CAPN15: variants seen among roughly 807,000 people sequenced by gnomAD.
The protein encoded by CAPN15 is calpain 15.
CAPN15 carries 53 observed loss-of-function variants against 97.9 expected under a neutral mutation model. That is an observed-to-expected ratio of 0.54 (90% CI 0.43 to 0.68). CAPN15 has a LOEUF of 0.68. Ranked by LOEUF, CAPN15 falls within the 30% of genes least tolerant of loss-of-function variation. The pLI is 0.00. For synonymous variants in CAPN15, 922 were observed against 722.5 expected (o/e 1.28, Z -4.43); for missense variants, 1,592 against 1,589.8 (o/e 1.00, Z -0.02).
At position 547,996 on chromosome 16, in the gene CAPN15, C is replaced by T. The variant is rs748818840; in HGVS notation, c.1158C>T (p.Ala386=). 2.7e-5 allele frequency: 43 copies of T among 1,580,384 alleles called. No homozygotes were observed. The highest frequency in any genetic ancestry group is 1.7e-4 in the Middle Eastern group (1 of 6,046). The stretch of plus-strand genomic sequence containing the variant: ...CCACCCACTGCCCCGACTGTGGGGC[C>T]GACAAGCCCAGCCCCTGCGGCAGAA... ...EPPTHCPDCG[A]DKPSPCGRSC... is the part of the protein sequence containing the mutation. The change falls in exon 4 of 14, where the codon GCC becomes GCT. Residue 386 remains alanine, a synonymous_variant. Coordinates refer to ENST00000219611, the MANE Select transcript of CAPN15 (RefSeq NM_005632.3).
chr16:536,149 G>A lies in CAPN15; in HGVS notation c.-23+7G>A, dbSNP rs2033703174. 10 of 926,616 alleles carry A rather than the reference G, an allele frequency of 1.1e-5. No homozygotes were observed. Among genetic ancestry groups the A allele is most frequent in the Non-Finnish European group, 1.2e-5 (9 of 776,388 alleles). 57.4% of individuals were successfully genotyped at this position (926,616 alleles called of 1,614,324 possible). A position where few individuals can be genotyped will look rare whatever the true frequency, so the allele number is the denominator to read the frequency against. ...CCGGACCTGGGAGTGGCAGGTGAGCGTTCCTCCCAAGAGCCTCTGGCTGGC... is the reference window on the plus strand; with the variant it reads ...CCGGACCTGGGAGTGGCAGGTGAGCATTCCTCCCAAGAGCCTCTGGCTGGC... On this transcript the variant is annotated splice_region_variant and intron_variant, in intron 3 of 13. Coordinates refer to ENST00000219611, the MANE Select transcript of CAPN15 (RefSeq NM_005632.3).
chr16:542,864 G>A (rs563758182), intron 3 of CAPN15, among the ~76,000 whole-genome samples: 36 of 152,274 alleles, frequency 2.4e-4, no homozygotes, highest in Admixed American at 2.1e-3. Flanking sequence ...GACCAGCCTG[G>A]CCAACATGGT....
intron 3 of CAPN15, among the ~76,000 whole-genome samples, chr16:544,660 C>T (rs1198490241): frequency 1.3e-5 from 2 of 151,734 alleles, no homozygotes; most frequent in East Asian, 3.9e-4. Context: ...TTCCATCCAG[C>T]TTGGCCTCTG....
At chr16:528,215 G>C (rs576027323) in intron 1 of CAPN15, among the ~76,000 whole-genome samples, 186 bp downstream of exon 1, 1 of 151,942 alleles carries the variant, frequency 6.6e-6, no homozygotes, top group South Asian at 2.1e-4. Flanking sequence ...CCCGCCGCCC[G>C]CTGGCGCCTC....
intron 3 of CAPN15, among the ~76,000 whole-genome samples, chr16:545,466 C>T (rs917022669): frequency 2.0e-5 from 3 of 152,210 alleles, no homozygotes; most frequent in Non-Finnish European, 4.4e-5. Context: ...GGCCTGCCTT[C>T]GCCCTCCTCA....
chr16:536,426 A>AT (rs34372742), intron 3 of CAPN15, among the ~76,000 whole-genome samples: 82 of 145,116 alleles, frequency 5.7e-4, no homozygotes, highest in Middle Eastern at 3.6e-3. Flanking sequence ...CTGGGAGCCT[A>AT]TTTTTTTTTT....
chr16:548,129 C>G lies in CAPN15; in HGVS notation c.1291C>G (p.His431Asp), dbSNP rs1478814839. Reference protein sequence around the residue: ...CTLLNALRAKHCAACHTPQLL... With the variant: ...CTLLNALRAKDCAACHTPQLL... The stretch of plus-strand genomic sequence containing the variant: ...CCTGCTCAACGCACTGCGGGCCAAG[C>G]ACTGCGCCGCCTGCCACACGCCTCA... The change falls in exon 4 of 14, where the codon CAC (histidine) becomes GAC (aspartate). Residue 431 changes from histidine to aspartate, a missense_variant. Transcript: ENST00000219611. The G allele has an allele frequency of 6.5e-7, 1 of 1,530,936 alleles. No individual in the cohort carries two copies. Among genetic ancestry groups the G allele is most frequent in the South Asian group, 1.2e-5 (1 of 80,574 alleles). 94.8% of individuals were successfully genotyped at this position (1,530,936 alleles called of 1,614,324 possible).
At chr16:534,467 C>T (rs929474288) in intron 2 of CAPN15, among the ~76,000 whole-genome samples, 1 of 152,164 alleles carries the variant, frequency 6.6e-6, no homozygotes, top group Non-Finnish European at 1.5e-5. Context: ...CCACGTCCTC[C>T]CCCAGGGCGG....
chr16:552,005 T>A lies in CAPN15; in HGVS notation c.2346-46T>A. 1 of 1,524,556 alleles carries A rather than the reference T, an allele frequency of 6.6e-7. No individual in the cohort carries two copies. The allele number at this position is 1,524,556 out of a possible 1,614,324, so 94.4% of individuals were successfully genotyped here. ...TGCGGTAGGCGCTGAGCCACGGAGGTGTGGGCCGTGGTAGGCTCAGGGCCC... is the reference window on the plus strand; with the variant it reads ...TGCGGTAGGCGCTGAGCCACGGAGGAGTGGGCCGTGGTAGGCTCAGGGCCC... On this transcript the variant is annotated intron_variant, in intron 9 of 13. Transcript: ENST00000219611. This position sits in a 1 kb window ranked among gnomAD's most constrained non-coding sequence, Gnocchi z 6.4.
intron 3 of CAPN15, among the ~76,000 whole-genome samples, chr16:545,328 G>A (rs867409875): frequency 5.9e-4 from 90 of 152,010 alleles, no homozygotes; most frequent in African/African-American, 2.1e-3. Context: ...GGGCCCTGCC[G>A]AGGTCTCCCA....
At position 547,955 on chromosome 16, in the gene CAPN15, G is replaced by A. The variant is rs1414249255; in HGVS notation, c.1117G>A (p.Glu373Lys). The A allele has an allele frequency of 6.3e-7, 1 of 1,589,744 alleles. No individual in the cohort carries two copies. The highest frequency in any genetic ancestry group is 8.5e-7 in the Non-Finnish European group (1 of 1,169,602). ...CGCSKLHGFQ[E>K]HGEPPTHCPD... ...CTGCTCCAAACTGCACGGCTTCCAG[G>A]AGCATGGCGAGCCCCCCACCCACTG... Residue 373 changes from glutamate to lysine, a missense_variant, in exon 4 of 14, where the codon GAG (glutamate) becomes AAG (lysine). By Grantham distance (56) the Glu-to-Lys change is moderately conservative. Transcript: ENST00000219611.
In CAPN15 at chr16:547,618, T is replaced by A. The variant is rs1261117141; in HGVS notation, c.780T>A (p.Pro260=). The change falls in exon 4 of 14, where the codon CCT becomes CCA. Residue 260 remains proline (P), a synonymous_variant. Transcript: ENST00000219611. ...CCCCCCAGCTGCAGCCACCGGTGCC[T>A]GAGGCTGCCCAGCCGTCACCCTCTG... is the stretch of plus-strand genomic sequence containing the variant. ...EVPPQLQPPV[P]EAAQPSPSAG... 6.4e-7 allele frequency: 1 copy of A among 1,570,602 alleles called. No homozygotes were observed. The highest frequency in any genetic ancestry group is 1.1e-5 in the South Asian group (1 of 88,294).
chr16:542,417 C>T (rs916960833), intron 3 of CAPN15, among the ~76,000 whole-genome samples: 5 of 152,110 alleles, frequency 3.3e-5, no homozygotes, highest in African/African-American at 1.2e-4. Flanking sequence ...AGGGTCCTGG[C>T]GTCTCCACTC....
chr16:538,883 C>A (rs1463399653), intron 3 of CAPN15: 3 of 150,952 alleles, frequency 2.0e-5, no homozygotes, highest in Non-Finnish European at 4.4e-5. Flanking sequence ...CCACCCCCCC[C>A]AGCCCGCTCA....
Position 551,104 on chromosome 16 carries a change from GT to G in CAPN15, c.2067-197del, listed in dbSNP as rs1212215598. ...TCGGTGAGGGCCCCGGTCGGTGAGG[GT>G]CCCCGGTCGGTGAGGGCCCCTGTTG... On this transcript the variant is annotated intron_variant, in intron 7 of 13. Transcript: ENST00000219611. 1.1e-4 allele frequency among the ~76,000 whole-genome samples: 5 copies of G among 45,440 alleles called. 1 individual carries two copies. The highest frequency in any genetic ancestry group is 3.1e-4 in the African/African-American group (3 of 9,604). The allele number at this position is 45,440 out of a possible 152,430, so 29.8% of individuals were successfully genotyped here.
At chr16:549,988 C>G in intron 7 of CAPN15, 150 bp downstream of exon 7, 1 of 636,618 alleles carries the variant, frequency 1.6e-6, no homozygotes, top group Non-Finnish European at 2.7e-6. Context: ...GGCCACAGCC[C>G]CAATCACCTC....
chr16:534,629 T>C (rs1218649358), intron 2 of CAPN15, among the ~76,000 whole-genome samples: 3 of 152,174 alleles, frequency 2.0e-5, no homozygotes, highest in African/African-American at 7.2e-5. Flanking sequence ...TGTCTTCAGG[T>C]TGTGGGCACC....
rs372340392 is a variant in CAPN15, at chr16:552,297, G to T, written c.2508-4G>T. On this transcript the variant is annotated splice_region_variant and splice_polypyrimidine_tract_variant and intron_variant, in intron 10 of 13. Coordinates refer to ENST00000219611, the MANE Select transcript of CAPN15 (RefSeq NM_005632.3). This position sits in a 1 kb window ranked among gnomAD's most constrained non-coding sequence, Gnocchi z 6.4. ...GTGACCCTGGCCCGTGGTGTCTGGC[G>T]CAGGCGCTCGGACGCCGTGGACAGC... is the stretch of plus-strand genomic sequence containing the variant. 3 of 1,549,342 alleles carry T rather than the reference G, an allele frequency of 1.9e-6. No homozygotes were observed. Among genetic ancestry groups the T allele is most frequent in the African/African-American group, 2.7e-5 (2 of 73,372 alleles).
In CAPN15 at chr16:527,925, C is replaced by T. The variant is rs899935883; in HGVS notation, c.-294C>T. 3 of 146,026 alleles carry T rather than the reference C, an allele frequency of 2.1e-5. No homozygotes were observed. Among genetic ancestry groups the T allele is most frequent in the Non-Finnish European group, 1.5e-5 (1 of 65,648 alleles). 9.0% of individuals were successfully genotyped at this position (146,026 alleles called of 1,614,324 possible). The stretch of plus-strand genomic sequence containing the variant: ...GCGGCGAGAGGGGCCCCGCCGCTCT[C>T]CGGAGGCAGAAGTTGTGGATCGGCC... On this transcript the variant is annotated 5_prime_UTR_variant, in exon 1 of 14. Coordinates refer to ENST00000219611, the MANE Select transcript of CAPN15 (RefSeq NM_005632.3).
Sources: gnomAD v4.1 joint callset for allele counts (sites outside exome capture counted in the v4.1 genomes callset) on GRCh38, gnomAD v4.1.1 for gene constraint, Gnocchi (gnomAD v3.1) non-coding constraint, MANE v1.5 for transcripts, NCBI Gene and HGNC (gene_info 2026-07-23, HGNC 2026-07-21) for gene names.